Variants in NUMB observed in about 807,000 individuals in gnomAD.
The protein encoded by NUMB is protein numb homolog.
Under a neutral mutation model 59.7 loss-of-function variants are expected in NUMB, and 29 were observed. The observed-to-expected ratio is 0.49, with a 90% CI of 0.36 to 0.66. The LOEUF is 0.66. NUMB is among the 30% of genes least tolerant of loss of function. NUMB has a pLI of 0.00. For missense variants in NUMB, 723 were observed against 822.0 expected, an observed-to-expected ratio of 0.88 and a Z score of 1.47; for synonymous variants, 288 against 288.2, an observed-to-expected ratio of 1.00 and a Z score of 0.01.
chr14:73,447,969 T>C (rs1261079343), intron 1 of NUMB, among the ~76,000 whole-genome samples: 1 of 152,032 alleles, frequency 6.6e-6, no homozygotes, highest in East Asian at 1.9e-4. Context: ...GCTACTTTTT[T>C]GTATTTTTAG....
intron 2 of NUMB, among the ~76,000 whole-genome samples, chr14:73,396,532 T>TTG (rs1555378255): frequency 0.054 from 8,198 of 151,188 alleles, 678 homozygotes; most frequent in African/African-American, 0.18. Context: ...GTGTATTTTT[T>TTG]TTGTTGTTTT....
chr14:73,327,258 AATT>A (rs1891710659), intron 4 of NUMB, among the ~76,000 whole-genome samples: 2 of 151,774 alleles, frequency 1.3e-5, no homozygotes, highest in African/African-American at 4.8e-5. Context: ...CTTGGAAGAG[AATT>A]ATTATTATTT....
rs541552944 is a variant in NUMB, at chr14:73,276,531, C to T, written c.*47G>A. 2 of 1,482,632 alleles carry T rather than the reference C, an allele frequency of 1.3e-6. No homozygotes were observed. The highest frequency in any genetic ancestry group is 9.3e-7 in the Non-Finnish European group (1 of 1,076,742). The allele number at this position is 1,482,632 out of a possible 1,614,324, so 91.8% of individuals were successfully genotyped here. A position where few individuals can be genotyped will look rare whatever the true frequency, so the allele number is the denominator to read the frequency against. On this transcript the variant is annotated 3_prime_UTR_variant, in exon 13 of 13. Transcript: ENST00000555238. ...TGTTTTGCTCCTTTGACCGCTACCC[C>T]CTGCTCCCTGTCTGGTATGGACAAG... is the stretch of plus-strand genomic sequence containing the variant.
At chr14:73,419,827 T>C (rs1214678802) in intron 1 of NUMB, among the ~76,000 whole-genome samples, 4 of 152,138 alleles carry the variant, frequency 2.6e-5, no homozygotes, top group Non-Finnish European at 5.9e-5. Flanking sequence ...CATCAAGGAA[T>C]GGGAGTACTT....
chr14:73,342,788 C>T (rs1261784670), intron 4 of NUMB, among the ~76,000 whole-genome samples: 1 of 152,160 alleles, frequency 6.6e-6, no homozygotes, highest in East Asian at 1.9e-4. Context: ...AGAACACTTG[C>T]ACACAGCTAA....
In NUMB at chr14:73,278,045, C is replaced by CAAAAAAAA. The variant is rs57146032; in HGVS notation, c.1241-760_1241-753dup. 1.4e-4 allele frequency among the ~76,000 whole-genome samples: 10 copies of CAAAAAAAA among 69,206 alleles called. 1 individual carries two copies. The highest frequency in any genetic ancestry group is 3.6e-4 in the African/African-American group (6 of 16,636). The allele number at this position is 69,206 out of a possible 152,430, so 45.4% of individuals were successfully genotyped here. ...CTAGTGACACAGCGAGACTCCGTCT[C>CAAAAAAAA]AAAAAAAAAAAAAAAAAAAAAAACA... On this transcript the variant is annotated intron_variant, in intron 12 of 12. Coordinates refer to ENST00000555238, the MANE Select transcript of NUMB (RefSeq NM_001005743.2).
At chr14:73,375,875 T>C (rs1367789867) in intron 2 of NUMB, among the ~76,000 whole-genome samples, 1 of 152,174 alleles carries the variant, frequency 6.6e-6, no homozygotes, top group African/African-American at 2.4e-5. Context: ...ATGATAAAAA[T>C]TTTATACAAA....
intron 1 of NUMB, among the ~76,000 whole-genome samples, chr14:73,432,014 A>G (rs1897854394): frequency 6.6e-6 from 1 of 152,078 alleles, no homozygotes; most frequent in Non-Finnish European, 1.5e-5. Flanking sequence ...AGCACTCTCA[A>G]AAGTCCAGGC....
At chr14:73,425,374 CTTTG>C (rs1566791716) in intron 1 of NUMB, among the ~76,000 whole-genome samples, 1 of 152,098 alleles carries the variant, frequency 6.6e-6, no homozygotes, top group Non-Finnish European at 1.5e-5. Flanking sequence ...AATTTTTAAA[CTTTG>C]TTTAACAAAT....
intron 2 of NUMB, among the ~76,000 whole-genome samples, chr14:73,372,315 ATATATATATATATATATATATAACCTTT>A (rs1202202225): frequency 9.5e-6 from 1 of 105,374 alleles, no homozygotes; most frequent in Non-Finnish European, 1.9e-5. Context: ...TTATATATAT[ATATATATATATATATATATATAACCTTT>A]TATATATATA....
chr14:73,308,942 G>C (rs1890613947), intron 6 of NUMB, among the ~76,000 whole-genome samples: 1 of 152,154 alleles, frequency 6.6e-6, no homozygotes, highest in South Asian at 2.1e-4. Flanking sequence ...TAAAAGTTGT[G>C]GAGATGATTA....
intron 1 of NUMB, among the ~76,000 whole-genome samples, chr14:73,457,138 G>A (rs1197020938): frequency 6.6e-6 from 1 of 152,014 alleles, no homozygotes; most frequent in Non-Finnish European, 1.5e-5. Context: ...GCTAAGTGGT[G>A]GAACTAGAAC....
rs1447929258 is a variant in NUMB, at chr14:73,276,605, TA to T, written c.1928del (p.Leu643TyrfsTer40). The T allele has an allele frequency of 1.2e-6, 2 of 1,613,390 alleles. No individual in the cohort carries two copies. The highest frequency in any genetic ancestry group is 1.7e-6 in the Non-Finnish European group (2 of 1,179,530). ...PSPTNPFSSD[L>X]QKTFEIEL The stretch of plus-strand genomic sequence containing the variant: ...AAAGTTCAATTTCAAACGTCTTCTG[TA>T]AGTCACTGGAGAAAGGGTTGGTAGG... On this transcript the variant is annotated frameshift_variant, in exon 13 of 13. Coordinates refer to ENST00000555238, the MANE Select transcript of NUMB (RefSeq NM_001005743.2). LOFTEE classifies it high-confidence loss of function.
At chr14:73,291,052 G>A (rs188811338) in intron 8 of NUMB, among the ~76,000 whole-genome samples, 19 of 150,778 alleles carry the variant, frequency 1.3e-4, no homozygotes, top group Middle Eastern at 3.4e-3. Context: ...TCATTCTACC[G>A]TAACTTAGTA....
At position 73,292,814 on chromosome 14, in the gene NUMB, C is replaced by G; in HGVS notation, c.370G>C (p.Asp124His). The G allele has an allele frequency of 6.2e-7, 1 of 1,614,176 alleles. No homozygotes were observed. The highest frequency in any genetic ancestry group is 8.5e-7 in the Non-Finnish European group (1 of 1,180,010). The change falls in exon 8 of 13, where the codon GAT becomes CAT. Residue 124 changes from aspartate (D) to histidine (H), a missense_variant. By Grantham distance (81) the Asp-to-His change is moderately conservative (BLOSUM62 -1). Around this residue, in one of 2 missense-constraint regions of NUMB, gnomAD observed 317 missense variants for 436.6 expected, o/e 0.73. Transcript: ENST00000555238. ...CGGCATATGTAAGAAAAGGCTCTATCAAAGTTCCTGTCTGGGGCACAGAAA... is the reference window on the plus strand; with the variant it reads ...CGGCATATGTAAGAAAAGGCTCTATGAAAGTTCCTGTCTGGGGCACAGAAA... Reference protein sequence around the residue: ...VSFCAPDRNFDRAFSYICRDG... With the variant: ...VSFCAPDRNFHRAFSYICRDG...
At chr14:73,408,760 C>T (rs1180864366) in intron 2 of NUMB, among the ~76,000 whole-genome samples, 1 of 151,724 alleles carries the variant, frequency 6.6e-6, no homozygotes, top group Non-Finnish European at 1.5e-5. Context: ...GCCTGGAATC[C>T]CAGCTACTCG....
intron 2 of NUMB, among the ~76,000 whole-genome samples, chr14:73,369,934 A>T (rs1894578763): frequency 6.6e-6 from 1 of 152,184 alleles, no homozygotes; most frequent in Non-Finnish European, 1.5e-5. Flanking sequence ...TTCTAATATC[A>T]TGATGTGTTT....
At chr14:73,304,232 G>A (rs1890300136) in intron 6 of NUMB, among the ~76,000 whole-genome samples, 1 of 152,126 alleles carries the variant, frequency 6.6e-6, no homozygotes, top group Admixed American at 6.6e-5. Context: ...ACAGTAAAAG[G>A]CAACTGAAAT....
rs10668811 is a variant in NUMB, at chr14:73,354,827, C to CA, written c.126+798dup. On this transcript the variant is annotated intron_variant, in intron 4 of 12. Transcript: ENST00000555238. ...TGTGCTATGGAGACAGACTGTGCCTCAAAAAAAAAAAGGAATATATAGTAA... is the reference window on the plus strand; with the variant it reads ...TGTGCTATGGAGACAGACTGTGCCTCAAAAAAAAAAAAGGAATATATAGTAA... Among the ~76,000 whole-genome samples, 33 of 82,296 alleles carry CA rather than the reference C, an allele frequency of 4.0e-4. 1 individual carries two copies. Among genetic ancestry groups the CA allele is most frequent in the Middle Eastern group, 7.0e-3 (1 of 142 alleles). The allele number at this position is 82,296 out of a possible 152,430, so 54.0% of individuals were successfully genotyped here. A position where few individuals can be genotyped will look rare whatever the true frequency, so the allele number is the denominator to read the frequency against.
Sources: gnomAD v4.1 joint callset for allele counts (sites outside exome capture counted in the v4.1 genomes callset) on GRCh38, gnomAD v4.1.1 for gene constraint, gnomAD v4.1.1 regional missense constraint, MANE v1.5 for transcripts, NCBI Gene and HGNC (gene_info 2026-07-23, HGNC 2026-07-21) for gene names.